Variants in DAOA observed in about 807,000 individuals in gnomAD.
DAOA encodes D-amino acid oxidase regulator.
In DAOA, 15 loss-of-function variants were observed where a neutral mutation model predicts 16.4. That is an observed-to-expected ratio of 0.91 (90% CI 0.61 to 1.41). The LOEUF is 1.41. Among genes scored for constraint, DAOA ranks in the 40% most tolerant of loss-of-function variants. DAOA has a pLI of 0.00. For synonymous variants in DAOA, 75 were observed against 59.1 expected, an observed-to-expected ratio of 1.27 and a Z score of -1.23; for missense variants, 230 against 176.8, an observed-to-expected ratio of 1.30 and a Z score of -1.71.
At chr13:105,472,452 C>G (rs768212534) in intron 3 of DAOA, 86 bp from the exon 4 acceptor site, 1 of 1,422,718 alleles carries the variant, frequency 7.0e-7, no homozygotes, top group Non-Finnish European at 9.2e-7. Flanking sequence ...TTCCTACAAT[C>G]GCTCCACAGT....
intron 2 of DAOA, 32 bp downstream of exon 2, chr13:105,466,364 G>A (rs138227284): frequency 5.0e-5 from 80 of 1,613,748 alleles, no homozygotes; most frequent in Admixed American, 2.2e-4. Context: ...ACAGCATGGC[G>A]GCCTCAGTGC....
chr13:105,481,796 A>C (rs117191382), intron 4 of DAOA, among the ~76,000 whole-genome samples: 5,639 of 152,250 alleles, frequency 0.037, 137 homozygotes, highest in South Asian at 0.063. Context: ...TAACAAGAAT[A>C]CTTTACCCTT....
intron 3 of DAOA, among the ~76,000 whole-genome samples, chr13:105,470,471 T>C (rs1436021617): frequency 6.6e-6 from 1 of 152,226 alleles, no homozygotes; most frequent in Non-Finnish European, 1.5e-5. Flanking sequence ...CTCATTAACA[T>C]TATCTACTAT....
rs1024066285 is a variant in DAOA, at chr13:105,489,701, G to C, written c.282-200G>C. On this transcript the variant is annotated intron_variant, in intron 4 of 5. Transcript: ENST00000375936. ...CTTTGAAATTATATCCAAATATGTA[G>C]TTGTGGCAGTTAGACCCTAAGTGAC... 4 of 1,133,278 alleles carry C rather than the reference G, an allele frequency of 3.5e-6. No individual in the cohort carries two copies. In the African/African-American group the frequency reaches 6.3e-5, roughly 18 times the overall value. 70.2% of individuals were successfully genotyped at this position (1,133,278 alleles called of 1,614,324 possible). A position where few individuals can be genotyped will look rare whatever the true frequency, so the allele number is the denominator to read the frequency against.
At chr13:105,471,116 G>A (rs943157331) in intron 3 of DAOA, among the ~76,000 whole-genome samples, 15 of 152,030 alleles carry the variant, frequency 9.9e-5, no homozygotes, top group Admixed American at 2.0e-4. Context: ...GTAGAGACAG[G>A]GTTTCACCAT....
intron 2 of DAOA, 23 bp from the exon 3 acceptor site, chr13:105,467,030 C>A: frequency 1.2e-6 from 2 of 1,605,698 alleles, no homozygotes; most frequent in South Asian, 2.2e-5. Flanking sequence ...CTGAACACGA[C>A]TGATATTTTC....
intron 3 of DAOA, among the ~76,000 whole-genome samples, chr13:105,470,626 T>C (rs954793411): frequency 2.0e-5 from 3 of 152,112 alleles, no homozygotes; most frequent in Non-Finnish European, 2.9e-5. Flanking sequence ...TTAAATTATT[T>C]TGAGACAGAG....
chr13:105,481,937 GT>G (rs1451652155), intron 4 of DAOA, among the ~76,000 whole-genome samples: 1 of 152,158 alleles, frequency 6.6e-6, no homozygotes, highest in Non-Finnish European at 1.5e-5. Flanking sequence ...AAGGAAAGAG[GT>G]TTAATTGACT....
chr13:105,470,269 G>A (rs1366085302), intron 3 of DAOA, among the ~76,000 whole-genome samples: 1 of 151,960 alleles, frequency 6.6e-6, no homozygotes, highest in African/African-American at 2.4e-5. Flanking sequence ...TAAGCACACT[G>A]TCCTCATATA....
chr13:105,481,850 A>G (rs1010718519), intron 4 of DAOA, among the ~76,000 whole-genome samples: 10 of 152,222 alleles, frequency 6.6e-5, no homozygotes, highest in African/African-American at 2.4e-4. Flanking sequence ...CTTCCCTTAG[A>G]AGACAAACAT....
At chr13:105,489,006 G>C (rs1238394606) in intron 4 of DAOA, among the ~76,000 whole-genome samples, 1 of 152,136 alleles carries the variant, frequency 6.6e-6, no homozygotes, top group Non-Finnish European at 1.5e-5. Flanking sequence ...ATGAATTAAC[G>C]ATTCACCAGG....
At chr13:105,470,146 G>A (rs1566373329) in intron 3 of DAOA, among the ~76,000 whole-genome samples, 1 of 146,690 alleles carries the variant, frequency 6.8e-6, no homozygotes, top group Non-Finnish European at 1.5e-5. Flanking sequence ...GAAGAGACTA[G>A]AGTTATATTC....
chr13:105,478,315 C>G (rs537006181), intron 4 of DAOA, among the ~76,000 whole-genome samples: 4 of 152,290 alleles, frequency 2.6e-5, no homozygotes, highest in Admixed American at 2.6e-4. Flanking sequence ...GTGTGGTTTA[C>G]TGGTCTGTAC....
At chr13:105,487,063 A>G (rs908284473) in intron 4 of DAOA, among the ~76,000 whole-genome samples, 4 of 152,170 alleles carry the variant, frequency 2.6e-5, no homozygotes, top group African/African-American at 7.2e-5. Flanking sequence ...GTGGTCAGGA[A>G]TTAGGGTAAG....
chr13:105,472,793 A>G (rs922954392), intron 4 of DAOA, 108 bp downstream of exon 4: 2 of 957,508 alleles, frequency 2.1e-6, no homozygotes, highest in Admixed American at 3.1e-5. Context: ...ATTATACTTC[A>G]TGTTGAACTT....
chr13:105,474,359 T>C (rs1877196362), intron 4 of DAOA, among the ~76,000 whole-genome samples: 1 of 152,042 alleles, frequency 6.6e-6, no homozygotes. Flanking sequence ...TGTGAGTGTG[T>C]GCATGCGCGT....
At chr13:105,467,246 A>T in intron 3 of DAOA, 105 bp downstream of exon 3, 1 of 1,241,010 alleles carries the variant, frequency 8.1e-7, no homozygotes, top group Non-Finnish European at 1.1e-6. Context: ...GCGTAGACAA[A>T]CTTCAATTAA....
chr13:105,488,722 C>T (rs1489853776), intron 4 of DAOA, among the ~76,000 whole-genome samples: 2 of 152,152 alleles, frequency 1.3e-5, no homozygotes, highest in Non-Finnish European at 2.9e-5. Flanking sequence ...TAATTTTATT[C>T]TCTAGCCTTC....
At chr13:105,471,670 G>A (rs990870460) in intron 3 of DAOA, among the ~76,000 whole-genome samples, 3 of 152,124 alleles carry the variant, frequency 2.0e-5, no homozygotes, top group Non-Finnish European at 4.4e-5. Flanking sequence ...ACAATAAGAT[G>A]TTACAACCAA....
Sources: gnomAD v4.1 joint callset for allele counts (sites outside exome capture counted in the v4.1 genomes callset) on GRCh38, gnomAD v4.1.1 for gene constraint, MANE v1.5 for transcripts, NCBI Gene and HGNC (gene_info 2026-07-23, HGNC 2026-07-21) for gene names.